Variants in RANBP17 observed in about 807,000 individuals in gnomAD.
RANBP17 encodes RAN binding protein 17, also known as ran-binding protein 17.
In RANBP17, 158 loss-of-function variants were observed where a neutral mutation model predicts 141.2. The observed-to-expected ratio is 1.12, with a 90% CI of 0.98 to 1.28. The LOEUF (loss-of-function observed/expected upper bound fraction) is 1.28. RANBP17 is among the 50% of genes most tolerant of loss of function. The pLI is 0.00. For missense variants in RANBP17, 1,438 were observed against 1,290.7 expected (o/e 1.11, Z -1.75); for synonymous variants, 430 against 450.0 (o/e 0.96, Z 0.56).
At chr5:171,049,003 G>A (rs993822057) in intron 14 of RANBP17, among the ~76,000 whole-genome samples, 1 of 152,086 alleles carries the variant, frequency 6.6e-6, no homozygotes, top group Admixed American at 6.6e-5. Flanking sequence ...TCCAATAATG[G>A]GATTGCTGGG....
intron 14 of RANBP17, among the ~76,000 whole-genome samples, chr5:171,092,728 G>T (rs184311191): frequency 7.8e-4 from 119 of 152,274 alleles, no homozygotes; most frequent in Non-Finnish European, 1.2e-3. Flanking sequence ...TTCTGATGAA[G>T]TCCTTCCAGC....
chr5:171,175,261 C>T (rs1334542241), intron 16 of RANBP17, among the ~76,000 whole-genome samples: 1 of 152,130 alleles, frequency 6.6e-6, no homozygotes, highest in Non-Finnish European at 1.5e-5. Flanking sequence ...AGTAAACATA[C>T]GTGTGCATGT....
intron 25 of RANBP17, among the ~76,000 whole-genome samples, chr5:171,293,668 G>C (rs185067846): frequency 6.6e-6 from 1 of 152,306 alleles, no homozygotes; most frequent in Non-Finnish European, 1.5e-5. Flanking sequence ...GGCTTTCAGA[G>C]GTAGAAGCTC....
intron 9 of RANBP17, among the ~76,000 whole-genome samples, chr5:170,918,007 C>T (rs1223020253): frequency 6.6e-6 from 1 of 152,056 alleles, no homozygotes; most frequent in Admixed American, 6.5e-5. Flanking sequence ...TTTTTGAATT[C>T]TGTTTCATCC....
Position 171,293,981 on chromosome 5 carries a change from G to A in RANBP17, c.3042G>A (p.Lys1014=), listed in dbSNP as rs753285552. 7 of 1,610,170 alleles carry A rather than the reference G, an allele frequency of 4.3e-6. No homozygotes were observed. Among genetic ancestry groups the A allele is most frequent in the Non-Finnish European group, 5.1e-6 (6 of 1,176,610 alleles). Residue 1014 remains lysine (K), a splice_region_variant and synonymous_variant, in exon 26 of 28, where the codon AAG becomes AAA. Coordinates refer to ENST00000523189, the MANE Select transcript of RANBP17 (RefSeq NM_022897.5). Reference sequence around the variant, plus strand: ...TGGGGCTCATCCTGCTCAATGAGAAGGTGAGTGTGATTGCAGGAAGTCACG... The same window carrying A: ...TGGGGCTCATCCTGCTCAATGAGAAAGTGAGTGTGATTGCAGGAAGTCACG... ...PLLGLILLNE[K]YFSELRASLI...
intron 14 of RANBP17, among the ~76,000 whole-genome samples, chr5:171,120,157 A>G (rs1490604307): frequency 1.3e-5 from 2 of 151,912 alleles, no homozygotes; most frequent in African/African-American, 2.4e-5. Context: ...ACTTTCTTCC[A>G]AACAAATGGA....
At chr5:171,079,138 G>C (rs1253867357) in intron 14 of RANBP17, among the ~76,000 whole-genome samples, 1 of 152,098 alleles carries the variant, frequency 6.6e-6, no homozygotes, top group Non-Finnish European at 1.5e-5. Flanking sequence ...TAACCCTCAT[G>C]GATGACTCTG....
chr5:171,111,577 A>C (rs1755236381), intron 14 of RANBP17, among the ~76,000 whole-genome samples: 1 of 152,042 alleles, frequency 6.6e-6, no homozygotes, highest in African/African-American at 2.4e-5. Flanking sequence ...TTCAAAGTGA[A>C]ACCCAGACCT....
At chr5:171,095,113 T>C (rs531870490) in intron 14 of RANBP17, among the ~76,000 whole-genome samples, 43 of 152,210 alleles carry the variant, frequency 2.8e-4, no homozygotes, top group Non-Finnish European at 5.6e-4. Context: ...CAAATAAATT[T>C]CTTTTCTTTA....
chr5:171,069,265 C>CT (rs1784497118), intron 14 of RANBP17, among the ~76,000 whole-genome samples: 1 of 152,178 alleles, frequency 6.6e-6, no homozygotes, highest in African/African-American at 2.4e-5. Context: ...ATTTTCTGCC[C>CT]TAGCAGCAGG....
chr5:171,242,819 T>TG lies in RANBP17; in HGVS notation c.2776+1dup. The TG allele has an allele frequency of 1.2e-6, 2 of 1,613,612 alleles. No homozygotes were observed. Among genetic ancestry groups the TG allele is most frequent in the Non-Finnish European group, 1.7e-6 (2 of 1,179,626 alleles). On this transcript the variant is annotated frameshift_variant and splice_region_variant, in exon 24 of 28. Transcript: ENST00000523189. LOFTEE classifies it high-confidence loss of function. ...CTATCTCAGAGGGACTCACTACTCT[T>TG]GGTAAGGATCATAGAGGACATTGTT...
chr5:171,123,350 C>A (rs1200942761), intron 14 of RANBP17, among the ~76,000 whole-genome samples: 1 of 152,240 alleles, frequency 6.6e-6, no homozygotes, highest in Admixed American at 6.5e-5. Flanking sequence ...ACTTGTACAC[C>A]AGATGCCAGC....
At chr5:171,208,543 A>T (rs1762703707) in intron 20 of RANBP17, among the ~76,000 whole-genome samples, 1 of 152,342 alleles carries the variant, frequency 6.6e-6, no homozygotes, top group South Asian at 2.1e-4. Context: ...AAGAATTTGT[A>T]TGACATTATT....
At chr5:171,028,113 G>A (rs565299620) in intron 14 of RANBP17, among the ~76,000 whole-genome samples, 23 of 151,392 alleles carry the variant, frequency 1.5e-4, no homozygotes, top group African/African-American at 5.3e-4. Context: ...GATTTATAAG[G>A]CACTACAAAA....
intron 7 of RANBP17, among the ~76,000 whole-genome samples, chr5:170,911,900 G>A (rs1197066303): frequency 2.0e-5 from 3 of 151,810 alleles, no homozygotes; most frequent in East Asian, 1.9e-4. Flanking sequence ...TGGGGCTGAC[G>A]GGGTTTGATA....
At chr5:170,882,717 G>A (rs780064190) in intron 3 of RANBP17, among the ~76,000 whole-genome samples, 3 of 152,166 alleles carry the variant, frequency 2.0e-5, no homozygotes, top group Admixed American at 1.3e-4. Flanking sequence ...TAAAATAAAA[G>A]CAGGTTCTTA....
chr5:171,106,468 C>CT (rs767655181), intron 14 of RANBP17, among the ~76,000 whole-genome samples: 5 of 152,062 alleles, frequency 3.3e-5, no homozygotes, highest in Non-Finnish European at 5.9e-5. Flanking sequence ...CTAGATGTAA[C>CT]TTTTTTGCAC....
intron 14 of RANBP17, among the ~76,000 whole-genome samples, chr5:171,137,446 C>A (rs1303425210): frequency 6.6e-6 from 1 of 152,038 alleles, no homozygotes; most frequent in Non-Finnish European, 1.5e-5. Flanking sequence ...TAAACTTGGA[C>A]AATACTTTTG....
At chr5:171,258,582 C>CTTT (rs1766078128) in intron 24 of RANBP17, among the ~76,000 whole-genome samples, 1 of 152,108 alleles carries the variant, frequency 6.6e-6, no homozygotes, top group African/African-American at 2.4e-5. Context: ...AAGTCACATA[C>CTTT]TTACAGCCAA....
Sources: allele counts gnomAD v4.1 joint callset (sites outside exome capture counted in the v4.1 genomes callset), GRCh38; gene constraint gnomAD v4.1.1; transcripts MANE v1.5; gene names NCBI Gene and HGNC (gene_info 2026-07-23, HGNC 2026-07-21).